RANBP2: variants seen among roughly 807,000 people sequenced by gnomAD.
RANBP2 encodes E3 SUMO-protein ligase RanBP2.
A neutral mutation model predicts 303.6 loss-of-function variants in RANBP2; 57 were observed. That is an observed-to-expected ratio of 0.19 (90% confidence interval 0.15 to 0.23). The LOEUF (loss-of-function observed/expected upper bound fraction) is 0.23. RANBP2 is among the 10% of genes least tolerant of loss of function. The pLI is 1.00. For synonymous variants in RANBP2, 1,167 were observed against 1,301.5 expected (o/e 0.90, Z 2.23); for missense variants, 3,138 against 3,780.8 (o/e 0.83, Z 4.46).
the RANBP2 span, among the ~76,000 whole-genome samples, chr2:109,646,421 C>G: frequency 6.6e-6 from 1 of 152,262 alleles, no homozygotes; most frequent in Middle Eastern, 3.4e-3. Flanking sequence ...CATGCCCAAC[C>G]ACACTGGAGC....
At chr2:109,327,455 A>G in the RANBP2 span, among the ~76,000 whole-genome samples, 2 of 152,190 alleles carry the variant, frequency 1.3e-5, no homozygotes, top group South Asian at 4.1e-4. Flanking sequence ...CAGGGCAAGG[A>G]CTTTCACTCT....
At chr2:109,200,053 G>A in the RANBP2 span, among the ~76,000 whole-genome samples, 7 of 152,232 alleles carry the variant, frequency 4.6e-5, no homozygotes, top group Admixed American at 3.9e-4. Context: ...ACAGAGAAAT[G>A]TCACCAGTGG....
In RANBP2 at chr2:108,784,465, A is replaced by T. The variant is rs1026590581; in HGVS notation, c.*564A>T. 1 of 152,758 alleles carries T rather than the reference A, an allele frequency of 6.5e-6. No individual in the cohort carries two copies. Among genetic ancestry groups the T allele is most frequent in the African/African-American group, 2.4e-5 (1 of 41,460 alleles). The allele number at this position is 152,758 out of a possible 1,614,324, so 9.5% of individuals were successfully genotyped here. A position where few individuals can be genotyped will look rare whatever the true frequency, so the allele number is the denominator to read the frequency against. On this transcript the variant is annotated 3_prime_UTR_variant, in exon 29 of 29. Coordinates refer to ENST00000283195, the MANE Select transcript of RANBP2 (RefSeq NM_006267.5). The stretch of plus-strand genomic sequence containing the variant: ...TGTGTGGTTACAAGTTAACTTTGTA[A>T]GTAGCGTACCTTCCTTCCTTAAAAT...
rs1407354933 is a variant in RANBP2 at position 108,735,778 on chromosome 2, T to C, written c.636+16T>C. On this transcript the variant is annotated intron_variant, in intron 5 of 28. Transcript: ENST00000283195. ...GACCCTTAAGGTAGATAAAAGCTAT[T>C]GGGTCTTTACATTTCTATGTAGGCA... 14 of 1,597,458 alleles carry C rather than the reference T, an allele frequency of 8.8e-6. No individual in the cohort carries two copies. The East Asian group carries it at 8.9e-5, about 10-fold the overall frequency.
the RANBP2 span, among the ~76,000 whole-genome samples, chr2:108,855,320 C>G: frequency 6.6e-6 from 1 of 151,946 alleles, no homozygotes; most frequent in Admixed American, 6.6e-5. Flanking sequence ...TAGTAGTCAG[C>G]CTATTTTTAA....
At chr2:109,716,494 C>T in the RANBP2 span, among the ~76,000 whole-genome samples, 1 of 152,216 alleles carries the variant, frequency 6.6e-6, no homozygotes, top group South Asian at 2.1e-4. Context: ...TCGTGATCCA[C>T]CCGCCTCGGC....
chr2:109,120,761 A>G, the RANBP2 span, among the ~76,000 whole-genome samples: 1 of 150,518 alleles, frequency 6.6e-6, no homozygotes, highest in African/African-American at 2.4e-5. Flanking sequence ...GTATACCAAG[A>G]GGTACGGGGA....
chr2:108,873,415 T>A, the RANBP2 span: 1 of 1,446,672 alleles, frequency 6.9e-7, no homozygotes. Context: ...TTTTCGCTAC[T>A]CCCTAATAGT....
At chr2:109,489,755 G>GA in the RANBP2 span, among the ~76,000 whole-genome samples, 10 of 122,606 alleles carry the variant, frequency 8.2e-5, no homozygotes, top group Non-Finnish European at 1.5e-4. Context: ...GGTGGGCGGG[G>GA]GGGACGGAGT....
At chr2:109,675,796 TG>T in the RANBP2 span, among the ~76,000 whole-genome samples, 1 of 152,116 alleles carries the variant, frequency 6.6e-6, no homozygotes, top group African/African-American at 2.4e-5. Flanking sequence ...CTGCTGAGGG[TG>T]GGTCTGTTTG....
chr2:109,002,709 A>T, the RANBP2 span, among the ~76,000 whole-genome samples: 1 of 152,258 alleles, frequency 6.6e-6, no homozygotes, highest in Admixed American at 6.5e-5. Context: ...TAGACCTGCC[A>T]TTGGGGTTTT....
At chr2:109,309,239 G>A in the RANBP2 span, among the ~76,000 whole-genome samples, 1 of 144,412 alleles carries the variant, frequency 6.9e-6, no homozygotes, top group Non-Finnish European at 1.5e-5. Flanking sequence ...TGTTGTTGGT[G>A]TATAAGAATG....
At chr2:108,773,418 G>A (rs1448781201) in intron 23 of RANBP2, among the ~76,000 whole-genome samples, 1 of 152,074 alleles carries the variant, frequency 6.6e-6, no homozygotes, top group Non-Finnish European at 1.5e-5. Flanking sequence ...TACTAAATGG[G>A]TTTAAGGGTC....
At chr2:108,936,373 G>A in the RANBP2 span, among the ~76,000 whole-genome samples, 1 of 152,256 alleles carries the variant, frequency 6.6e-6, no homozygotes, top group East Asian at 1.9e-4. Context: ...AGGGAGGGGA[G>A]AGGCTGTGGC....
the RANBP2 span, among the ~76,000 whole-genome samples, chr2:109,522,334 C>T: frequency 1.6e-4 from 25 of 151,772 alleles, no homozygotes; most frequent in African/African-American, 5.6e-4. Context: ...TCTTGTCCCC[C>T]AGGCTTGAGT....
At chr2:109,239,153 T>C in the RANBP2 span, among the ~76,000 whole-genome samples, 2 of 152,088 alleles carry the variant, frequency 1.3e-5, no homozygotes, top group South Asian at 4.1e-4. Context: ...GTGAGCACTT[T>C]GAGCTTCCCC....
the RANBP2 span, among the ~76,000 whole-genome samples, chr2:108,945,023 G>T: frequency 6.6e-6 from 1 of 152,148 alleles, no homozygotes; most frequent in Non-Finnish European, 1.5e-5. Flanking sequence ...ATTTGAAAAA[G>T]TTGCCCCCTG....
chr2:109,247,526 C>A, the RANBP2 span, among the ~76,000 whole-genome samples: 1 of 152,196 alleles, frequency 6.6e-6, no homozygotes, highest in East Asian at 1.9e-4. Flanking sequence ...TGGGTGGTCA[C>A]GTGTCAGTCC....
chr2:109,144,319 C>T, the RANBP2 span, among the ~76,000 whole-genome samples: 2 of 151,894 alleles, frequency 1.3e-5, no homozygotes, highest in Non-Finnish European at 2.9e-5. Context: ...TCTGTTATAC[C>T]TCAATAAAAC....
Sources: gnomAD v4.1 joint callset for allele counts (sites outside exome capture counted in the v4.1 genomes callset) on GRCh38, gnomAD v4.1.1 for gene constraint, MANE v1.5 for transcripts, NCBI Gene and HGNC (gene_info 2026-07-23, HGNC 2026-07-21) for gene names.